PTPRT: variants seen among roughly 807,000 people sequenced by gnomAD.
The protein encoded by PTPRT is receptor-type tyrosine-protein phosphatase T.
Under a neutral mutation model 176.8 loss-of-function variants are expected in PTPRT, and 56 were observed. The observed-to-expected ratio is 0.32, with a 90% CI of 0.26 to 0.40. The LOEUF (loss-of-function observed/expected upper bound fraction) is 0.40, where lower values mean the gene tolerates loss of function less well. Among genes scored for constraint, PTPRT ranks in the 10% least tolerant of loss-of-function variants. The pLI, the probability that PTPRT is intolerant of heterozygous loss-of-function variation, is 1.00. For missense variants in PTPRT, 1,540 were observed against 1,908.2 expected, an observed-to-expected ratio of 0.81 and a Z score of 3.60; for synonymous variants, 783 against 739.0, an observed-to-expected ratio of 1.06 and a Z score of -0.96.
In PTPRT at chr20:42,144,498, G is replaced by A. The variant is rs139987367; in HGVS notation, c.2683-2496C>T. ...TCAGTTTAAGAGGATGGCAACCACC[G>A]ATAAGACAGACAAGTCAACAAACAT... is the stretch of plus-strand genomic sequence containing the variant. On this transcript the variant is annotated intron_variant, in intron 17 of 30. Coordinates refer to ENST00000373187, the MANE Select transcript of PTPRT (RefSeq NM_007050.6). Among the ~76,000 whole-genome samples, 59 of 152,150 alleles carry A rather than the reference G, an allele frequency of 3.9e-4. No homozygotes were observed. The East Asian group carries it at 0.01, about 27-fold the overall frequency.
At chr20:43,014,812 T>G (rs1985296870) in intron 1 of PTPRT, among the ~76,000 whole-genome samples, 2 of 152,204 alleles carry the variant, frequency 1.3e-5, no homozygotes, top group Admixed American at 1.3e-4. Context: ...CAGACTAATT[T>G]GTTTTTGAAT....
intron 8 of PTPRT, among the ~76,000 whole-genome samples, chr20:42,459,880 G>A (rs73271583): frequency 0.14 from 21,622 of 150,010 alleles, 1,695 homozygotes; most frequent in Middle Eastern, 0.19. Flanking sequence ...GCCTCTCAAA[G>A]TGCTGGGATT....
At chr20:42,329,176 C>T (rs1288545834) in intron 11 of PTPRT, among the ~76,000 whole-genome samples, 1 of 152,008 alleles carries the variant, frequency 6.6e-6, no homozygotes, top group African/African-American at 2.4e-5. Flanking sequence ...ATAGGCTTGC[C>T]CTCTTTCAGT....
intron 9 of PTPRT, among the ~76,000 whole-genome samples, chr20:42,414,839 A>G (rs574873807): frequency 6.6e-6 from 1 of 152,372 alleles, no homozygotes; most frequent in South Asian, 2.1e-4. Context: ...ATGCAGATAG[A>G]ATATAAATCC....
At chr20:42,681,188 C>A (rs1156465515) in intron 6 of PTPRT, among the ~76,000 whole-genome samples, 1 of 152,164 alleles carries the variant, frequency 6.6e-6, no homozygotes, top group Non-Finnish European at 1.5e-5. Context: ...TATAGCAGTT[C>A]TCTATCTCTA....
chr20:42,756,173 C>G (rs115764768), intron 6 of PTPRT, among the ~76,000 whole-genome samples: 1,663 of 152,252 alleles, frequency 0.011, 33 homozygotes, highest in African/African-American at 0.038. Context: ...ACTTTAAATA[C>G]AAAATAAAGC....
At chr20:42,605,471 A>G (rs1041308750) in intron 7 of PTPRT, among the ~76,000 whole-genome samples, 15 of 152,198 alleles carry the variant, frequency 9.9e-5, no homozygotes, top group African/African-American at 3.4e-4. Flanking sequence ...GTCTCCGCAG[A>G]AAGGTCAAGG....
chr20:42,372,420 A>T (rs1307968378), intron 9 of PTPRT, among the ~76,000 whole-genome samples: 2 of 151,100 alleles, frequency 1.3e-5, no homozygotes, highest in East Asian at 3.9e-4. Flanking sequence ...AGTAGCTGGG[A>T]CTATAGGCAT....
intron 28 of PTPRT, 61 bp downstream of exon 28, chr20:42,085,667 G>A (rs3092662): frequency 0.12 from 196,959 of 1,602,342 alleles, 12,906 homozygotes; most frequent in Non-Finnish European, 0.14. Context: ...ATCCTCTCTC[G>A]GCAGCCTCCA....
chr20:42,079,647 T>C lies in PTPRT; in HGVS notation c.*1232A>G. The C allele has an allele frequency of 4.4e-6, 1 of 228,004 alleles. No homozygotes were observed. The allele number at this position is 228,004 out of a possible 1,614,324, so 14.1% of individuals were successfully genotyped here. A position where few individuals can be genotyped will look rare whatever the true frequency, so the allele number is the denominator to read the frequency against. On this transcript the variant is annotated 3_prime_UTR_variant, in exon 31 of 31. Coordinates refer to ENST00000373187, the MANE Select transcript of PTPRT (RefSeq NM_007050.6). The stretch of plus-strand genomic sequence containing the variant: ...CCCTAGATCTCCAGGCCTGATTCTC[T>C]TGGCCTATTTTAAATCAAAGTATAA...
chr20:42,983,717 G>A (rs1043379914), intron 1 of PTPRT, among the ~76,000 whole-genome samples: 3 of 152,226 alleles, frequency 2.0e-5, no homozygotes, highest in African/African-American at 7.2e-5. Flanking sequence ...CACACACCTT[G>A]GAGGTACTGC....
chr20:42,395,730 C>T (rs2058842504), intron 9 of PTPRT, among the ~76,000 whole-genome samples: 1 of 152,178 alleles, frequency 6.6e-6, no homozygotes, highest in Non-Finnish European at 1.5e-5. Flanking sequence ...CCTTATTTTA[C>T]CTGAACTACC....
chr20:42,143,044 T>G (rs1463285913), intron 17 of PTPRT, among the ~76,000 whole-genome samples: 1 of 152,140 alleles, frequency 6.6e-6, no homozygotes, highest in Non-Finnish European at 1.5e-5. Flanking sequence ...AGGGAAGTAG[T>G]GATGGAAGTA....
chr20:42,071,278 T>C (rs2146038956), downstream of PTPRT, among the ~76,000 whole-genome samples: 1 of 152,322 alleles, frequency 6.6e-6, no homozygotes, highest in Non-Finnish European at 1.5e-5. Flanking sequence ...AGTCAGGTTC[T>C]AGTTATTTCT....
intron 7 of PTPRT, among the ~76,000 whole-genome samples, chr20:42,518,008 A>G (rs1294968040): frequency 2.6e-5 from 4 of 151,956 alleles, no homozygotes; most frequent in African/African-American, 4.8e-5. Flanking sequence ...AATGTTACTT[A>G]CTGAGAGAGA....
chr20:43,059,865 G>A (rs755491606), intron 1 of PTPRT, among the ~76,000 whole-genome samples: 4 of 152,054 alleles, frequency 2.6e-5, no homozygotes, highest in African/African-American at 4.8e-5. Context: ...TATAATCCCA[G>A]CTACTCAGGA....
chr20:42,244,443 G>A lies in PTPRT; in HGVS notation c.2312+4244C>T, dbSNP rs183548982. 4.6e-5 allele frequency among the ~76,000 whole-genome samples: 7 copies of A among 152,302 alleles called. No homozygotes were observed. The East Asian group carries it at 1.3e-3, about 29-fold the overall frequency. On this transcript the variant is annotated intron_variant, in intron 14 of 30. Transcript: ENST00000373187. ...AGGACGAGCTGGGCAGGGGAGCAGG[G>A]GAGGAGACAGGGTCTGGCTAGAACC...
chr20:42,223,320 A>G (rs992388436), intron 15 of PTPRT, among the ~76,000 whole-genome samples: 2 of 152,196 alleles, frequency 1.3e-5, no homozygotes, highest in African/African-American at 2.4e-5. Context: ...AACAGCCCAC[A>G]TTTGGTGTTA....
rs542256745 is a variant in PTPRT at position 43,101,810 on chromosome 20, A to C, written c.88+87836T>G. Reference sequence around the variant, plus strand: ...TCATGGGAGTAGGGGCAATTCTCTGAAGAGGGCAAAAACAATCAAGGGTGT... The same window carrying C: ...TCATGGGAGTAGGGGCAATTCTCTGCAGAGGGCAAAAACAATCAAGGGTGT... On this transcript the variant is annotated intron_variant, in intron 1 of 30. Transcript: ENST00000373187. 1.2e-4 allele frequency among the ~76,000 whole-genome samples: 18 copies of C among 152,342 alleles called. 1 individual carries two copies. In the South Asian group the frequency reaches 3.7e-3, roughly 32 times the overall value.
Sources: gnomAD v4.1 joint callset for allele counts (sites outside exome capture counted in the v4.1 genomes callset) on GRCh38, gnomAD v4.1.1 for gene constraint, MANE v1.5 for transcripts, NCBI Gene and HGNC (gene_info 2026-07-23, HGNC 2026-07-21) for gene names.